The following MAP2 variants were observed in gnomAD, a reference collection of about 807,000 sequenced individuals.
The protein encoded by MAP2 is microtubule-associated protein 2.
MAP2 carries 14 observed loss-of-function variants against 137.6 expected under a neutral mutation model. The ratio of observed to expected loss-of-function variants is 0.10; its 90% CI spans 0.07 to 0.16. MAP2 has a LOEUF of 0.16. MAP2 is among the 10% of genes least tolerant of loss of function. The pLI, the probability that MAP2 is intolerant of heterozygous loss-of-function variation, is 1.00. For missense variants in MAP2, 2,088 were observed against 2,191.5 expected (o/e 0.95, Z 0.94); for synonymous variants, 786 against 782.3 (o/e 1.00, Z -0.08).
rs1474956688 is a variant in MAP2 at position 209,580,036 on chromosome 2, A to G, written c.-171A>G. The G allele has an allele frequency of 6.6e-6, 1 of 151,282 alleles. No individual in the cohort carries two copies. The highest frequency in any genetic ancestry group is 1.5e-5 in the Non-Finnish European group (1 of 67,902). 9.4% of individuals were successfully genotyped at this position (151,282 alleles called of 1,614,324 possible). A position where few individuals can be genotyped will look rare whatever the true frequency, so the allele number is the denominator to read the frequency against. On this transcript the variant is annotated splice_region_variant and 5_prime_UTR_variant, in exon 3 of 16. Coordinates refer to ENST00000682079, the MANE Select transcript of MAP2 (RefSeq NM_001375505.1). ...TGTTTCTTTTGTTTTGTTTCGGTAGATTCTTCAGCTTGTCTCTAACCGAGG... is the reference window on the plus strand; with the variant it reads ...TGTTTCTTTTGTTTTGTTTCGGTAGGTTCTTCAGCTTGTCTCTAACCGAGG...
intron 2 of MAP2, among the ~76,000 whole-genome samples, chr2:209,525,245 G>C (rs2063850862): frequency 6.6e-6 from 1 of 151,988 alleles, no homozygotes. Flanking sequence ...AAAACAACTA[G>C]CAAATAAATG....
intron 3 of MAP2, among the ~76,000 whole-genome samples, chr2:209,600,967 AG>A (rs2082812601): frequency 6.6e-6 from 1 of 152,158 alleles, no homozygotes; most frequent in South Asian, 2.1e-4. Flanking sequence ...CACTGTTGAG[AG>A]GCTAATAGCT....
At chr2:209,550,654 T>A (rs1243957922) in intron 2 of MAP2, among the ~76,000 whole-genome samples, 1 of 152,158 alleles carries the variant, frequency 6.6e-6, no homozygotes, top group Non-Finnish European at 1.5e-5. Context: ...GAGATCATTT[T>A]TAGATGATTA....
At chr2:209,602,230 A>G (rs903537080) in intron 3 of MAP2, among the ~76,000 whole-genome samples, 7 of 152,222 alleles carry the variant, frequency 4.6e-5, no homozygotes, top group Admixed American at 3.9e-4. Flanking sequence ...GTCAAAAAGA[A>G]AACAGTTGAG....
rs568120337 is a variant in MAP2 at position 209,537,424 on chromosome 2, A to G, written c.-172+29783A>G. ...TAATTAAGAAAAAAATTAAAAATTC[A>G]GTTTCTGTACTGAGACTACATTTAG... is the stretch of plus-strand genomic sequence containing the variant. On this transcript the variant is annotated intron_variant, in intron 2 of 15. Transcript: ENST00000682079. Among the ~76,000 whole-genome samples the G allele has an allele frequency of 6.6e-5, 10 of 152,338 alleles. No individual in the cohort carries two copies. In the South Asian group the frequency reaches 2.1e-3, roughly 32 times the overall value.
At chr2:209,639,984 G>C (rs892298510) in intron 4 of MAP2, among the ~76,000 whole-genome samples, 3 of 151,972 alleles carry the variant, frequency 2.0e-5, no homozygotes, top group Non-Finnish European at 4.4e-5. Flanking sequence ...GCTCATTTTG[G>C]TATCTTTCTA....
Position 209,705,624 on chromosome 2 carries a change from A to G in MAP2, c.4629A>G (p.Arg1543=), listed in dbSNP as rs769478406. The change falls in exon 12 of 16, where the codon AGA becomes AGG. Residue 1543 remains arginine, a synonymous_variant. Transcript: ENST00000682079. Reference sequence around the variant, plus strand: ...CAGAAAAGCGCTCTTCTCTCCCAAGACCTTCCTCCATTCTCCCTCCTCGGC... The same window carrying G: ...CAGAAAAGCGCTCTTCTCTCCCAAGGCCTTCCTCCATTCTCCCTCCTCGGC... ...KSPEKRSSLP[R]PSSILPPRRG... 1 of 1,612,910 alleles carries G rather than the reference A, an allele frequency of 6.2e-7. No individual in the cohort carries two copies.
intron 1 of MAP2, among the ~76,000 whole-genome samples, chr2:209,501,768 A>T (rs1012545632): frequency 4.6e-5 from 7 of 152,096 alleles, no homozygotes; most frequent in African/African-American, 1.7e-4. Context: ...CTATTTGCTC[A>T]ATAACTGGCT....
At chr2:209,671,082 A>G (rs1383777045) in intron 5 of MAP2, among the ~76,000 whole-genome samples, 2 of 151,850 alleles carry the variant, frequency 1.3e-5, no homozygotes, top group Non-Finnish European at 2.9e-5. Context: ...ATTTTTCCCC[A>G]TAAACCAAAT....
At chr2:209,519,348 A>G (rs1341644008) in intron 2 of MAP2, among the ~76,000 whole-genome samples, 3 of 152,084 alleles carry the variant, frequency 2.0e-5, no homozygotes, top group Non-Finnish European at 4.4e-5. Context: ...TGGGGTGATC[A>G]TCTGTGTTAG....
chr2:209,507,757 T>G (rs2061247945), intron 2 of MAP2, 116 bp downstream of exon 2: 3 of 152,146 alleles, frequency 2.0e-5, no homozygotes, highest in Admixed American at 1.3e-4. Flanking sequence ...AAGCTCAAAT[T>G]TAGTAAAAAC....
At chr2:209,435,990 T>TATTA (rs1559159420) in intron 1 of MAP2, among the ~76,000 whole-genome samples, 1 of 87,980 alleles carries the variant, frequency 1.1e-5, no homozygotes, top group Non-Finnish European at 2.0e-5. Context: ...ACAGTATATA[T>TATTA]TATATACTAT....
At chr2:209,534,396 G>A (rs911946155) in intron 2 of MAP2, among the ~76,000 whole-genome samples, 1 of 152,126 alleles carries the variant, frequency 6.6e-6, no homozygotes, top group Non-Finnish European at 1.5e-5. Context: ...CTTACTCTTC[G>A]CTGCCATGTG....
At chr2:209,540,415 T>A (rs1021234311) in intron 2 of MAP2, among the ~76,000 whole-genome samples, 2 of 151,338 alleles carry the variant, frequency 1.3e-5, no homozygotes, top group Non-Finnish European at 2.9e-5. Context: ...AGGCGGACCA[T>A]GAGGTCAGAA....
intron 1 of MAP2, among the ~76,000 whole-genome samples, chr2:209,474,149 A>C (rs1214043196): frequency 6.6e-6 from 1 of 152,128 alleles, no homozygotes; most frequent in Non-Finnish European, 1.5e-5. Flanking sequence ...GGGGAGCTTG[A>C]GATATGGGCA....
intron 3 of MAP2, among the ~76,000 whole-genome samples, chr2:209,615,944 T>C (rs2089172935): frequency 6.6e-6 from 1 of 152,146 alleles, no homozygotes; most frequent in Admixed American, 6.5e-5. Flanking sequence ...CCATTCTGAG[T>C]TCATAAAAGG....
rs1477486506 is a variant in MAP2, at chr2:209,693,045, T to G, written c.875T>G (p.Met292Arg). 1 of 1,612,480 alleles carries G rather than the reference T, an allele frequency of 6.2e-7. No individual in the cohort carries two copies. Among genetic ancestry groups the G allele is most frequent in the Admixed American group, 1.7e-5 (1 of 59,746 alleles). The part of the protein sequence containing the change: ...APISPGPLTP[M>R]REKDVFDDIP... ...ATATCTCCTGGCCCTCTGACTCCCA[T>G]GAGGGAAAAAGATGTATTTGATGAT... The change falls in exon 8 of 16, where the codon ATG becomes AGG. Residue 292 changes from methionine (M) to arginine (R), a missense_variant. Physicochemically the swap from Met to Arg is moderately conservative, Grantham distance 91. This residue lies in a region of MAP2 where 859 missense variants were observed against 794.5 expected (regional missense o/e 1.08). Coordinates refer to ENST00000682079, the MANE Select transcript of MAP2 (RefSeq NM_001375505.1).
At chr2:209,539,734 T>C (rs898974532) in intron 2 of MAP2, among the ~76,000 whole-genome samples, 8 of 151,952 alleles carry the variant, frequency 5.3e-5, no homozygotes, top group Non-Finnish European at 8.8e-5. Context: ...TCTGTGATGA[T>C]GGAATAGTGC....
intron 2 of MAP2, among the ~76,000 whole-genome samples, chr2:209,577,182 T>G (rs13419929): frequency 0.22 from 33,574 of 151,980 alleles, 5,392 homozygotes; most frequent in African/African-American, 0.46. Flanking sequence ...AAAATAGACA[T>G]TTAACAGGGA....
Sources: allele counts gnomAD v4.1 joint callset (sites outside exome capture counted in the v4.1 genomes callset), GRCh38; gene constraint gnomAD v4.1.1; regional missense constraint gnomAD v4.1.1; transcripts MANE v1.5; gene names NCBI Gene and HGNC (gene_info 2026-07-23, HGNC 2026-07-21).